The following GPR137C variants were observed in gnomAD, a reference collection of about 807,000 sequenced individuals.
GPR137C encodes the protein integral membrane protein GPR137C.
Under a neutral mutation model 43.4 loss-of-function variants are expected in GPR137C, and 27 were observed. That is an observed-to-expected ratio of 0.62 (90% CI 0.46 to 0.86). The LOEUF is 0.86. Ranked by LOEUF, GPR137C falls within the 40% of genes least tolerant of loss-of-function variation. GPR137C has a pLI of 0.00. For synonymous variants in GPR137C, 285 were observed against 226.9 expected (o/e 1.26, Z -2.30); for missense variants, 522 against 534.6 (o/e 0.98, Z 0.23).
intron 3 of GPR137C, among the ~76,000 whole-genome samples, chr14:52,629,570 A>C (rs1399179850): frequency 6.6e-6 from 1 of 152,216 alleles, no homozygotes; most frequent in African/African-American, 2.4e-5. Context: ...AACATTCTGC[A>C]GAGTGAATGA....
intron 1 of GPR137C, among the ~76,000 whole-genome samples, chr14:52,561,081 A>G (rs1208291138): frequency 6.7e-6 from 1 of 148,912 alleles, no homozygotes; most frequent in African/African-American, 2.6e-5. Context: ...GCCAAGAAAC[A>G]CAAGAAGAGA....
In GPR137C at chr14:52,606,584, G is replaced by A. The variant is rs145923300; in HGVS notation, c.717+6243G>A. Among the ~76,000 whole-genome samples, 611 of 152,190 alleles carry A rather than the reference G, an allele frequency of 4.0e-3. 3 individuals carry two copies. The highest frequency in any genetic ancestry group is 0.014 in the African/African-American group (600 of 41,542). ...CTCCCAGGGCTGGGACTACAGGCATGTGCCACCACACCCAGCCAATTTTTT... is the reference window on the plus strand; with the variant it reads ...CTCCCAGGGCTGGGACTACAGGCATATGCCACCACACCCAGCCAATTTTTT... On this transcript the variant is annotated intron_variant, in intron 3 of 6. Coordinates refer to ENST00000321662, the MANE Select transcript of GPR137C (RefSeq NM_001099652.2).
chr14:52,600,742 A>G (rs1462644508), intron 3 of GPR137C, among the ~76,000 whole-genome samples: 1 of 152,218 alleles, frequency 6.6e-6, no homozygotes, highest in Admixed American at 6.5e-5. Flanking sequence ...AGCATGTTGT[A>G]TTTTCTGTGA....
At chr14:52,619,262 G>C (rs2039133091) in intron 3 of GPR137C, among the ~76,000 whole-genome samples, 1 of 152,048 alleles carries the variant, frequency 6.6e-6, no homozygotes, top group Non-Finnish European at 1.5e-5. Flanking sequence ...AAAGAAACAG[G>C]CTAAAATATT....
chr14:52,601,478 A>G (rs58252245), intron 3 of GPR137C, among the ~76,000 whole-genome samples: 5,434 of 148,402 alleles, frequency 0.037, 311 homozygotes, highest in African/African-American at 0.13. Context: ...GGGAGATATT[A>G]TGTGTGTGTG....
At chr14:52,625,915 A>T (rs1442727708) in intron 3 of GPR137C, among the ~76,000 whole-genome samples, 1 of 152,108 alleles carries the variant, frequency 6.6e-6, no homozygotes, top group South Asian at 2.1e-4. Context: ...AAAGCTTGAC[A>T]AAGATAGAGT....
chr14:52,575,976 G>C (rs570309068), intron 1 of GPR137C, among the ~76,000 whole-genome samples: 11 of 152,248 alleles, frequency 7.2e-5, no homozygotes, highest in Non-Finnish European at 1.5e-4. Flanking sequence ...TGTGTTGTTC[G>C]GGGTTTTTAC....
At chr14:52,569,116 T>G (rs1223527371) in intron 1 of GPR137C, among the ~76,000 whole-genome samples, 1 of 152,194 alleles carries the variant, frequency 6.6e-6, no homozygotes, top group Non-Finnish European at 1.5e-5. Flanking sequence ...ACAGCAATCT[T>G]TGCTGTTTGG....
At chr14:52,589,108 T>G (rs999312971) in intron 1 of GPR137C, among the ~76,000 whole-genome samples, 6 of 152,180 alleles carry the variant, frequency 3.9e-5, no homozygotes, top group African/African-American at 1.4e-4. Flanking sequence ...TTGAAGACAT[T>G]ATGCTAAATG....
Position 52,583,217 on chromosome 14 carries a change from T to G in GPR137C, c.445-15055T>G, listed in dbSNP as rs192380403. On this transcript the variant is annotated intron_variant, in intron 1 of 6. Transcript: ENST00000321662. ...TCTACATAAAGCATGTGTTTATTGT[T>G]TCATGAATTATTTCAGTATCTTAAC... Among the ~76,000 whole-genome samples the G allele has an allele frequency of 2.7e-4, 41 of 152,370 alleles. No homozygotes were observed. The East Asian group carries it at 7.5e-3, about 28-fold the overall frequency.
chr14:52,635,173 G>A lies in GPR137C; in HGVS notation c.*58G>A. On this transcript the variant is annotated 3_prime_UTR_variant, in exon 7 of 7. Coordinates refer to ENST00000321662, the MANE Select transcript of GPR137C (RefSeq NM_001099652.2). ...TTTCATAAATGTGTATATTCAATGT[G>A]TTTAAATTCCATCTACATAAACATT... is the stretch of plus-strand genomic sequence containing the variant. 7.5e-7 allele frequency: 1 copy of A among 1,327,292 alleles called. No homozygotes were observed. Among genetic ancestry groups the A allele is most frequent in the South Asian group, 1.6e-5 (1 of 61,776 alleles). The allele number at this position is 1,327,292 out of a possible 1,614,324, so 82.2% of individuals were successfully genotyped here.
At chr14:52,569,203 T>G (rs2139454952) in intron 1 of GPR137C, among the ~76,000 whole-genome samples, 1 of 152,250 alleles carries the variant, frequency 6.6e-6, no homozygotes, top group South Asian at 2.1e-4. Context: ...GGGGCCTGAC[T>G]GTTAGAAGGA....
chr14:52,621,385 C>T (rs573761142), intron 3 of GPR137C, among the ~76,000 whole-genome samples: 14 of 151,680 alleles, frequency 9.2e-5, no homozygotes, highest in African/African-American at 3.4e-4. Flanking sequence ...GATTACTTAC[C>T]AGCATACCTA....
At chr14:52,614,053 G>A (rs550220911) in intron 3 of GPR137C, among the ~76,000 whole-genome samples, 1 of 152,046 alleles carries the variant, frequency 6.6e-6, no homozygotes, top group South Asian at 2.1e-4. Context: ...CATTTCACTG[G>A]GATGAGATGA....
In GPR137C at chr14:52,559,358, G is replaced by C. The variant is rs541851692; in HGVS notation, c.444+5767G>C. ...GATCACACCACTGCACTCTAGCCTGGCGACAGAGCAAGACTCCATCTCAAA... is the reference window on the plus strand; with the variant it reads ...GATCACACCACTGCACTCTAGCCTGCCGACAGAGCAAGACTCCATCTCAAA... On this transcript the variant is annotated intron_variant, in intron 1 of 6. Transcript: ENST00000321662. Among the ~76,000 whole-genome samples, 4 of 152,164 alleles carry C rather than the reference G, an allele frequency of 2.6e-5. No homozygotes were observed. The East Asian group carries it at 7.7e-4, about 29-fold the overall frequency.
intron 1 of GPR137C, 116 bp downstream of exon 1, chr14:52,553,707 C>T: frequency 2.4e-6 from 2 of 844,788 alleles, no homozygotes; most frequent in Non-Finnish European, 3.6e-6. Flanking sequence ...GACTGGAAAC[C>T]AGCCTGGGGA....
At chr14:52,630,807 G>A (rs1474326013) in intron 3 of GPR137C, among the ~76,000 whole-genome samples, 1 of 152,146 alleles carries the variant, frequency 6.6e-6, no homozygotes, top group African/African-American at 2.4e-5. Flanking sequence ...ATAAAATTCA[G>A]TGTAATTGCC....
Position 52,553,053 on chromosome 14 carries a change from TG to T in GPR137C, c.-89del. 3 of 405,644 alleles carry T rather than the reference TG, an allele frequency of 7.4e-6. No homozygotes were observed. The highest frequency in any genetic ancestry group is 8.6e-6 in the Non-Finnish European group (3 of 349,126). 25.1% of individuals were successfully genotyped at this position (405,644 alleles called of 1,614,324 possible). On this transcript the variant is annotated 5_prime_UTR_variant, in exon 1 of 7. Coordinates refer to ENST00000321662, the MANE Select transcript of GPR137C (RefSeq NM_001099652.2). The stretch of plus-strand genomic sequence containing the variant: ...TCCTGGGGTTAGAGGCTGGGGTGGG[TG>T]GGGGGTAAGGGGGCAGTCCTTCTCC...
intron 1 of GPR137C, among the ~76,000 whole-genome samples, chr14:52,568,692 G>A (rs1390141320): frequency 6.6e-6 from 1 of 152,234 alleles, no homozygotes. Flanking sequence ...TTAGAACTGG[G>A]CGGAGCCAAC....
Sources: allele counts gnomAD v4.1 joint callset (sites outside exome capture counted in the v4.1 genomes callset), GRCh38; gene constraint gnomAD v4.1.1; transcripts MANE v1.5; gene names NCBI Gene and HGNC (gene_info 2026-07-23, HGNC 2026-07-21).